Variants in PEAR1 observed in about 807,000 individuals in gnomAD.
The protein encoded by PEAR1 is platelet endothelial aggregation receptor 1.
A neutral mutation model predicts 131.2 loss-of-function variants in PEAR1; 113 were observed. That is an observed-to-expected ratio of 0.86 (90% CI 0.74 to 1.01). The LOEUF is 1.01. PEAR1 is among the 50% of genes least tolerant of loss of function. The pLI is 0.00. For synonymous variants in PEAR1, 565 were observed against 523.3 expected, an observed-to-expected ratio of 1.08 and a Z score of -1.09; for missense variants, 1,408 against 1,391.1, an observed-to-expected ratio of 1.01 and a Z score of -0.19.
chr1:156,900,240 A>G (rs1437828577), intron 1 of PEAR1, among the ~76,000 whole-genome samples: 2 of 151,988 alleles, frequency 1.3e-5, no homozygotes, highest in Admixed American at 1.3e-4. Context: ...TGGAGGAGAG[A>G]GAAGTGTCAG....
Position 156,914,662 on chromosome 1 carries a change from G to T in PEAR1, c.2978G>T (p.Gly993Val). Residue 993 changes from glycine (G) to valine (V), a missense_variant, in exon 23 of 23, where the codon GGC (glycine) becomes GTC (valine). Coordinates refer to ENST00000292357, the MANE Select transcript of PEAR1 (RefSeq NM_001080471.3). ...SPLIHDRDSV[G>V]SQPPLPPGLP... ...ATGTTTCCAGACCGAGACTCTGTGG[G>T]CTCCCAGCCCCCTCTGCCTCCGGGC... is the stretch of plus-strand genomic sequence containing the variant. 1 of 1,611,698 alleles carries T rather than the reference G, an allele frequency of 6.2e-7. No individual in the cohort carries two copies. Among genetic ancestry groups the T allele is most frequent in the East Asian group, 2.2e-5 (1 of 44,754 alleles).
At chr1:156,895,654 A>G (rs964152586) in intron 1 of PEAR1, among the ~76,000 whole-genome samples, 2 of 152,202 alleles carry the variant, frequency 1.3e-5, no homozygotes, top group African/African-American at 4.8e-5. Flanking sequence ...ATTACAACAA[A>G]ATGCCCGGAG....
chr1:156,909,074 G>T (rs1650736109), intron 11 of PEAR1, 38 bp downstream of exon 11: 2 of 1,611,908 alleles, frequency 1.2e-6, no homozygotes, highest in African/African-American at 1.3e-5. Flanking sequence ...AGACTTGGGG[G>T]ATGGCCAAGG....
At chr1:156,899,445 C>T (rs56303495) in intron 1 of PEAR1, among the ~76,000 whole-genome samples, 20,713 of 152,058 alleles carry the variant, frequency 0.14, 1,577 homozygotes, top group East Asian at 0.35. Flanking sequence ...ATCAGGTTCT[C>T]GGGGGAGCCT....
At position 156,908,821 on chromosome 1, in the gene PEAR1, G is replaced by T; in HGVS notation, c.1282G>T (p.Gly428Cys). 1 of 1,606,410 alleles carries T rather than the reference G, an allele frequency of 6.2e-7. No homozygotes were observed. The highest frequency in any genetic ancestry group is 8.5e-7 in the Non-Finnish European group (1 of 1,179,034). Residue 428 changes from glycine (G) to cysteine (C), a missense_variant, in exon 10 of 23, where the codon GGT (glycine) becomes TGT (cysteine). Physicochemically the swap from Gly to Cys is radical, Grantham distance 159 (BLOSUM62 -3). Coordinates refer to ENST00000292357, the MANE Select transcript of PEAR1 (RefSeq NM_001080471.3). The surrounding 1 kb of genome is among the most constrained non-coding windows in gnomAD (Gnocchi z 4.2). ...CAGCGGCCTCTGTCAGTGCGCGCCGGGTTACACGGTGAGGCGCGCCCGGCT... is the reference window on the plus strand; with the variant it reads ...CAGCGGCCTCTGTCAGTGCGCGCCGTGTTACACGGTGAGGCGCGCCCGGCT... ...ATSGLCQCAP[G>C]YTGPHCASLC...
Position 156,914,028 on chromosome 1 carries a change from A to G in PEAR1, c.2890A>G (p.Ser964Gly), listed in dbSNP as rs1651597197. Residue 964 changes from serine to glycine, a missense_variant, in exon 22 of 23, where the codon AGC becomes GGC. Transcript: ENST00000292357. The part of the protein sequence containing the change: ...PPRQPPQFWD[S>G]QRRRQPQPQR... Reference sequence around the variant, plus strand: ...CAGGCAGCCTCCTCAGTTCTGGGACAGCCAGAGGCGGCGGCAACCCCAGCC... The same window carrying G: ...CAGGCAGCCTCCTCAGTTCTGGGACGGCCAGAGGCGGCGGCAACCCCAGCC... The G allele has an allele frequency of 6.2e-7, 1 of 1,611,276 alleles. No homozygotes were observed.
chr1:156,914,619 C>G (rs1238353412), intron 22 of PEAR1, 28 bp from the exon 23 acceptor site: 1 of 1,592,248 alleles, frequency 6.3e-7, no homozygotes, highest in African/African-American at 1.3e-5. Flanking sequence ...AGGAGCCACT[C>G]CCTCTTATCT....
chr1:156,908,748 G>C lies in PEAR1; in HGVS notation c.1209G>C (p.Gly403=). 6.3e-7 allele frequency: 1 copy of C among 1,578,400 alleles called. No homozygotes were observed. The highest frequency in any genetic ancestry group is 8.6e-7 in the Non-Finnish European group (1 of 1,165,154). The part of the protein sequence containing the change: ...ESCPQDTHGP[G]CQEHCLCLHG... The stretch of plus-strand genomic sequence containing the variant: ...GCCCGCAGGACACGCATGGGCCAGG[G>C]TGCCAGGAGCACTGTCTCTGCCTGC... The change falls in exon 10 of 23, where the codon GGG becomes GGC. Residue 403 remains glycine, a synonymous_variant. Coordinates refer to ENST00000292357, the MANE Select transcript of PEAR1 (RefSeq NM_001080471.3). The surrounding 1 kb of genome is among the most constrained non-coding windows in gnomAD (Gnocchi z 4.2).
At position 156,902,724 on chromosome 1, in the gene PEAR1, G is replaced by A. The variant is rs1649812366; in HGVS notation, c.-9-1194G>A. ...AAGCAGATGTGGGCGCCTCGGGGAG[G>A]CGTAGAGCAGGGAGCCAGAGCAAGT... On this transcript the variant is annotated intron_variant, in intron 1 of 22. Coordinates refer to ENST00000292357, the MANE Select transcript of PEAR1 (RefSeq NM_001080471.3). The surrounding 1 kb of genome is among the most constrained non-coding windows in gnomAD (Gnocchi z 4.3). Among the ~76,000 whole-genome samples, 1 of 152,160 alleles carries A rather than the reference G, an allele frequency of 6.6e-6. No homozygotes were observed.
intron 5 of PEAR1, 66 bp downstream of exon 5, chr1:156,906,434 A>C (rs1650310267): frequency 1.3e-6 from 2 of 1,582,298 alleles, no homozygotes; most frequent in Non-Finnish European, 1.7e-6. Context: ...CCTCAGGTAC[A>C]CCCTCCCTAC....
chr1:156,912,414 C>T (rs1651322499), intron 16 of PEAR1, 39 bp downstream of exon 16: 3 of 1,605,646 alleles, frequency 1.9e-6, no homozygotes, highest in Non-Finnish European at 2.6e-6. Context: ...CTGCCTCCAA[C>T]TTAACCCTTA....
intron 14 of PEAR1, 99 bp from the exon 15 acceptor site, chr1:156,910,518 GA>G: frequency 1.3e-6 from 2 of 1,561,710 alleles, no homozygotes; most frequent in South Asian, 1.2e-5. Context: ...CCCGTCTTCA[GA>G]CTAGTTACTG....
chr1:156,908,428 C>A lies in PEAR1; in HGVS notation c.1115+88C>A. On this transcript the variant is annotated intron_variant, in intron 9 of 22. Transcript: ENST00000292357. This position sits in a 1 kb window ranked among gnomAD's most constrained non-coding sequence, Gnocchi z 4.2. ...GTCACCACAGAGCCAGGGCCATATC[C>A]AAGGGGGACAGGTGTCACAGAAGGG... 1 of 1,387,434 alleles carries A rather than the reference C, an allele frequency of 7.2e-7. No homozygotes were observed. Among genetic ancestry groups the A allele is most frequent in the Non-Finnish European group, 9.5e-7 (1 of 1,050,194 alleles). 85.9% of individuals were successfully genotyped at this position (1,387,434 alleles called of 1,614,324 possible). A position where few individuals can be genotyped will look rare whatever the true frequency, so the allele number is the denominator to read the frequency against.
At chr1:156,898,350 A>G (rs1215567295) in intron 1 of PEAR1, among the ~76,000 whole-genome samples, 2 of 152,152 alleles carry the variant, frequency 1.3e-5, no homozygotes, top group Non-Finnish European at 2.9e-5. Flanking sequence ...ACACAAGTCC[A>G]GCCCCTCACC....
chr1:156,910,924 A>G lies in PEAR1; in HGVS notation c.1951+181A>G, dbSNP rs1422159069. On this transcript the variant is annotated intron_variant, in intron 15 of 22. Transcript: ENST00000292357. The stretch of plus-strand genomic sequence containing the variant: ...AGGTGCTAAGGATGCAGCAGTGAAC[A>G]GGTCAGGGGGAAAAATTCCTGCCCT... Among the ~76,000 whole-genome samples the G allele has an allele frequency of 2.0e-5, 3 of 152,346 alleles. No homozygotes were observed. In the East Asian group the frequency reaches 5.8e-4, roughly 29 times the overall value.
chr1:156,895,327 G>A (rs566606461), intron 1 of PEAR1, among the ~76,000 whole-genome samples: 7 of 152,330 alleles, frequency 4.6e-5, no homozygotes, highest in East Asian at 3.9e-4. Flanking sequence ...GTGCCTCCCC[G>A]CACCCGACAC....
chr1:156,910,405 A>G (rs779322628), intron 14 of PEAR1, 25 bp downstream of exon 14: 4 of 1,564,744 alleles, frequency 2.6e-6, no homozygotes, highest in East Asian at 4.5e-5. Context: ...TGCCCCTTCC[A>G]CCTGCCACCA....
At chr1:156,897,261 A>C (rs1021065859) in intron 1 of PEAR1, among the ~76,000 whole-genome samples, 1 of 152,176 alleles carries the variant, frequency 6.6e-6, no homozygotes, top group Non-Finnish European at 1.5e-5. Flanking sequence ...ACTTTAATAA[A>C]AGCATAATGA....
intron 1 of PEAR1, among the ~76,000 whole-genome samples, chr1:156,895,050 C>T (rs891034176): frequency 9.9e-5 from 15 of 152,214 alleles, no homozygotes; most frequent in African/African-American, 3.6e-4. Context: ...GCCTCTCCCA[C>T]TCTTGAGGCC....
Sources: gnomAD v4.1 joint callset for allele counts (sites outside exome capture counted in the v4.1 genomes callset) on GRCh38, gnomAD v4.1.1 for gene constraint, Gnocchi (gnomAD v3.1) non-coding constraint, MANE v1.5 for transcripts, NCBI Gene and HGNC (gene_info 2026-07-23, HGNC 2026-07-21) for gene names.